ZC3H12B: variants seen among roughly 807,000 people sequenced by gnomAD.
ZC3H12B encodes the protein probable ribonuclease ZC3H12B.
In ZC3H12B, 7 loss-of-function variants were observed where a neutral mutation model predicts 43.9. The observed-to-expected ratio is 0.16, with a 90% confidence interval of 0.09 to 0.30. The LOEUF (loss-of-function observed/expected upper bound fraction) is 0.30. Ranked by LOEUF, ZC3H12B falls within the 10% of genes least tolerant of loss-of-function variation. The probability of loss-of-function intolerance (pLI) is 1.00; values close to 1 mark genes in which losing one functional copy is unlikely to be tolerated. For missense variants in ZC3H12B, 475 were observed against 670.2 expected (o/e 0.71, Z 3.22); for synonymous variants, 222 against 241.7 (o/e 0.92, Z 0.76).
the ZC3H12B span, among the ~76,000 whole-genome samples, chrX:65,084,809 G>A: frequency 1.8e-5 from 2 of 112,634 alleles, no homozygotes; most frequent in African/African-American, 6.4e-5. Context: ...TTGCACTCTC[G>A]TGTTTCTTGC....
At chrX:65,268,523 G>T in the ZC3H12B span, among the ~76,000 whole-genome samples, 1 of 112,044 alleles carries the variant, frequency 8.9e-6, no homozygotes, top group African/African-American at 3.2e-5. Flanking sequence ...TGAAATATTA[G>T]CAAATCAAAT....
At chrX:65,492,126 TTTG>T (rs2148228905) in intron 1 of ZC3H12B, among the ~76,000 whole-genome samples, 1 of 110,119 alleles carries the variant, frequency 9.1e-6, no homozygotes, top group Non-Finnish European at 1.9e-5. Context: ...TACCATTTTT[TTTG>T]TTTTGTTTTG....
At chrX:65,048,374 TAGG>T in the ZC3H12B span, among the ~76,000 whole-genome samples, 24 of 111,693 alleles carry the variant, frequency 2.1e-4, no homozygotes, top group African/African-American at 7.8e-4. Flanking sequence ...ACAATGAAGA[TAGG>T]AGTGCAAATA....
the ZC3H12B span, among the ~76,000 whole-genome samples, chrX:65,206,395 A>G: frequency 1.2e-4 from 13 of 112,133 alleles, no homozygotes; most frequent in African/African-American, 2.6e-4. Flanking sequence ...CAAAGCAACA[A>G]AAACATAAAG....
chrX:65,317,807 C>T, the ZC3H12B span, among the ~76,000 whole-genome samples: 1 of 102,324 alleles, frequency 9.8e-6, no homozygotes, highest in Admixed American at 1.1e-4. Context: ...CACACATATA[C>T]ACACACTATA....
At chrX:65,498,034 A>T (rs1044533446) in intron 2 of ZC3H12B, among the ~76,000 whole-genome samples, 1 of 110,554 alleles carries the variant, frequency 9.0e-6, no homozygotes, top group Non-Finnish European at 1.9e-5. Context: ...CCTCCTGAGT[A>T]CCTGGGACTA....
the ZC3H12B span, among the ~76,000 whole-genome samples, chrX:65,116,223 G>A: frequency 1.8e-5 from 2 of 111,474 alleles, no homozygotes; most frequent in East Asian, 2.8e-4. Flanking sequence ...GTTGATTTTT[G>A]TATAAGGTAA....
chrX:65,437,297 G>A (rs2067232925), intron 3 of ZC3H12B, among the ~76,000 whole-genome samples: 1 of 111,196 alleles, frequency 9.0e-6, no homozygotes, highest in Non-Finnish European at 1.9e-5. Flanking sequence ...CCACTCCCCT[G>A]CTCTATACCC....
At chrX:65,299,303 T>C in the ZC3H12B span, among the ~76,000 whole-genome samples, 1 of 112,106 alleles carries the variant, frequency 8.9e-6, no homozygotes, top group Non-Finnish European at 1.9e-5. Flanking sequence ...CCGTCATTAC[T>C]ATAAGGCCTA....
intron 3 of ZC3H12B, among the ~76,000 whole-genome samples, chrX:65,438,784 G>A (rs1477031756): frequency 2.6e-5 from 3 of 113,414 alleles, no homozygotes; most frequent in Non-Finnish European, 5.6e-5. Context: ...TCCGCCCTGG[G>A]CGGGCCAGGT....
chrX:65,277,739 A>T, the ZC3H12B span, among the ~76,000 whole-genome samples: 4 of 111,688 alleles, frequency 3.6e-5, no homozygotes, highest in Admixed American at 9.5e-5. Flanking sequence ...GTTTATGGCA[A>T]TAAATTCTCA....
At chrX:65,134,298 C>A in the ZC3H12B span, among the ~76,000 whole-genome samples, 1 of 110,924 alleles carries the variant, frequency 9.0e-6, no homozygotes, top group Non-Finnish European at 1.9e-5. Context: ...ATGACCAAGG[C>A]AGCTATCCCC....
intron 3 of ZC3H12B, among the ~76,000 whole-genome samples, chrX:65,449,315 T>C (rs890331239): frequency 7.3e-5 from 8 of 110,276 alleles, no homozygotes; most frequent in Non-Finnish European, 1.3e-4. Flanking sequence ...AAATACATGT[T>C]GAAGAAAAAA....
At chrX:65,298,344 T>A in the ZC3H12B span, among the ~76,000 whole-genome samples, 1 of 111,714 alleles carries the variant, frequency 9.0e-6, no homozygotes, top group Admixed American at 9.5e-5. Flanking sequence ...TAATTTTAAC[T>A]AGACAAAAAT....
At chrX:65,192,437 T>C in the ZC3H12B span, among the ~76,000 whole-genome samples, 1 of 111,619 alleles carries the variant, frequency 9.0e-6, no homozygotes, top group East Asian at 2.8e-4. Context: ...TTTTAGATCT[T>C]AGATAAAAGG....
intron 3 of ZC3H12B, among the ~76,000 whole-genome samples, chrX:65,406,635 G>T (rs1157063246): frequency 9.5e-6 from 1 of 104,792 alleles, no homozygotes; most frequent in African/African-American, 3.4e-5. Flanking sequence ...GGCGGGGCCG[G>T]GCGGGGCCGG....
At chrX:65,074,918 G>T in the ZC3H12B span, among the ~76,000 whole-genome samples, 1 of 112,152 alleles carries the variant, frequency 8.9e-6, no homozygotes. Context: ...TTTTTTGTCA[G>T]ATAATTCATA....
At chrX:65,217,718 T>A in the ZC3H12B span, among the ~76,000 whole-genome samples, 4 of 111,639 alleles carry the variant, frequency 3.6e-5, no homozygotes, top group South Asian at 1.5e-3. Context: ...ATGAAATAAT[T>A]ACTGAGCTGT....
chrX:65,438,273 C>T (rs986266143), intron 3 of ZC3H12B, among the ~76,000 whole-genome samples: 2 of 111,423 alleles, frequency 1.8e-5, no homozygotes, highest in African/African-American at 6.5e-5. Context: ...GTCATTGATA[C>T]TTTGATAGGG....
Sources: allele counts gnomAD v4.1 joint callset (sites outside exome capture counted in the v4.1 genomes callset), GRCh38; gene constraint gnomAD v4.1.1; transcripts MANE v1.5; gene names NCBI Gene and HGNC (gene_info 2026-07-23, HGNC 2026-07-21).